The following ZPR1 variants were observed in gnomAD, a reference collection of about 807,000 sequenced individuals.
ZPR1 encodes the protein ZPR1 zinc finger.
A neutral mutation model predicts 59.6 loss-of-function variants in ZPR1; 37 were observed. That is an observed-to-expected ratio of 0.62 (90% CI 0.48 to 0.82). The LOEUF is 0.82. ZPR1 is among the 40% of genes least tolerant of loss of function. ZPR1 has a pLI of 0.00. For synonymous variants in ZPR1, 191 were observed against 215.2 expected (o/e 0.89, Z 0.99); for missense variants, 527 against 579.9 (o/e 0.91, Z 0.94).
intron 6 of ZPR1, 141 bp from the exon 7 acceptor site, chr11:116,785,287 A>G: frequency 4.4e-6 from 5 of 1,124,406 alleles, no homozygotes; most frequent in Non-Finnish European, 6.4e-6. Flanking sequence ...GAAACCACAA[A>G]GTAAAGCCCC....
At chr11:116,782,090 T>G in intron 12 of ZPR1, 68 bp downstream of exon 12, 41 of 1,190,630 alleles carry the variant, frequency 3.4e-5, no homozygotes, top group Non-Finnish European at 4.9e-5. Flanking sequence ...TGGCAAGACA[T>G]GAGCATGCAG....
chr11:116,787,810 C>T lies in ZPR1; in HGVS notation c.171+10G>A. The T allele has an allele frequency of 6.4e-7, 1 of 1,551,014 alleles. No homozygotes were observed. The stretch of plus-strand genomic sequence containing the variant: ...CCCACCCGCCGCTCGCGGCCGCGCC[C>T]CCGCCTCACATTGCAGTAACAGTTC... On this transcript the variant is annotated intron_variant, in intron 1 of 13. Coordinates refer to ENST00000227322, the MANE Select transcript of ZPR1 (RefSeq NM_003904.5).
chr11:116,784,760 G>T, intron 8 of ZPR1, 95 bp downstream of exon 8: 2 of 1,254,726 alleles, frequency 1.6e-6, no homozygotes, highest in South Asian at 1.2e-5. Context: ...TGGGTATAAA[G>T]CATGTGTTTT....
rs199733479 is a variant in ZPR1 at position 116,782,913 on chromosome 11, A to T, written c.1092+6T>A. On this transcript the variant is annotated splice_donor_region_variant and intron_variant, in intron 11 of 13. Transcript: ENST00000227322. ...AGGTGGTTTACACACTACTCAAGTG[A>T]CTCACCAGTTCCCGGATGTCTTTCA... is the stretch of plus-strand genomic sequence containing the variant. 8.7e-6 allele frequency: 14 copies of T among 1,612,688 alleles called. No individual in the cohort carries two copies. The African/African-American group carries it at 1.3e-4, about 15-fold the overall frequency.
At chr11:116,782,061 T>A in intron 12 of ZPR1, 97 bp downstream of exon 12, 1 of 802,166 alleles carries the variant, frequency 1.2e-6, no homozygotes, top group Non-Finnish European at 2.0e-6. Flanking sequence ...CCCAACATGA[T>A]GGTTAGATGT....
rs1334622206 is a variant in ZPR1, at chr11:116,785,811, G to A, written c.567C>T (p.Ala189=). 9.3e-6 allele frequency: 15 copies of A among 1,614,068 alleles called. No individual in the cohort carries two copies. Among genetic ancestry groups the A allele is most frequent in the Non-Finnish European group, 1.2e-5 (14 of 1,180,014 alleles). Reference sequence around the variant, plus strand: ...CAATACTCACCAGAGTGAAAGGGGAGGCTACTTGCTTTAGCTCCTTCAGTT... The same window carrying A: ...CAATACTCACCAGAGTGAAAGGGGAAGCTACTTGCTTTAGCTCCTTCAGTT... The part of the protein sequence containing the change: ...IVKLKELKQV[A]SPFTLIIDDP... The change falls in exon 5 of 14, where the codon GCC becomes GCT. Residue 189 remains alanine (A), a synonymous_variant. Coordinates refer to ENST00000227322, the MANE Select transcript of ZPR1 (RefSeq NM_003904.5).
intron 2 of ZPR1, 37 bp from the exon 3 acceptor site, chr11:116,787,096 G>A (rs1027870639): frequency 2.6e-6 from 4 of 1,550,588 alleles, no homozygotes; most frequent in African/African-American, 2.7e-5. Flanking sequence ...CAAAGAGACT[G>A]CAGAACAGCT....
intron 2 of ZPR1, 95 bp downstream of exon 2, chr11:116,787,387 A>G: frequency 7.6e-7 from 1 of 1,321,386 alleles, no homozygotes; most frequent in Non-Finnish European, 1.0e-6. Context: ...ACATAGGGGG[A>G]TTTATTTAAG....
chr11:116,786,673 G>T, intron 3 of ZPR1, 92 bp from the exon 4 acceptor site: 2 of 1,109,356 alleles, frequency 1.8e-6, no homozygotes, highest in Non-Finnish European at 2.7e-6. Flanking sequence ...TGAACTCTCT[G>T]GGTCTTAATT....
Position 116,785,827 on chromosome 11 carries a change from T to A in ZPR1, c.551A>T (p.Glu184Val), listed in dbSNP as rs748266680. ...RIDEFIVKLK[E>V]LKQVASPFTL... is the part of the protein sequence containing the mutation. ...GAAAGGGGAGGCTACTTGCTTTAGC[T>A]CCTTCAGTTTGACAATGAACTCATC... Residue 184 changes from glutamate (E) to valine (V), a missense_variant, in exon 5 of 14, where the codon GAG becomes GTG. By Grantham distance (121) the Glu-to-Val change is moderately radical (BLOSUM62 -2). Transcript: ENST00000227322. 19 of 1,614,234 alleles carry A rather than the reference T, an allele frequency of 1.2e-5. No homozygotes were observed. The South Asian group carries it at 2.0e-4, about 17-fold the overall frequency.
At chr11:116,784,522 C>A (rs778952065) in intron 8 of ZPR1, 74 bp from the exon 9 acceptor site, 1 of 1,384,564 alleles carries the variant, frequency 7.2e-7, no homozygotes. Flanking sequence ...AAGCCAAACC[C>A]CACACAAACA....
At chr11:116,786,135 T>C (rs1307645661) in intron 4 of ZPR1, among the ~76,000 whole-genome samples, 4 of 152,184 alleles carry the variant, frequency 2.6e-5, no homozygotes, top group East Asian at 3.8e-4. Context: ...TATAATAGTA[T>C]ATATATCAGT....
rs771684329 is a variant in ZPR1 at position 116,784,405 on chromosome 11, G to A, written c.864C>T (p.Cys288=). ...CATTGGTCCGATGCCCACAGTTCTC[G>A]CAGTTGGTAGCCATGATGATAACCT... The part of the protein sequence containing the change: ...FKEVIIMATN[C]ENCGHRTNEV... The change falls in exon 9 of 14, where the codon TGC becomes TGT. Residue 288 remains cysteine, a synonymous_variant. Transcript: ENST00000227322. 32 of 1,613,970 alleles carry A rather than the reference G, an allele frequency of 2.0e-5. No individual in the cohort carries two copies. Among genetic ancestry groups the A allele is most frequent in the Admixed American group, 1.0e-4 (6 of 59,998 alleles).
chr11:116,783,964 T>C (rs1042263475), intron 9 of ZPR1, among the ~76,000 whole-genome samples: 33 of 151,924 alleles, frequency 2.2e-4, no homozygotes, highest in Admixed American at 1.9e-3. Flanking sequence ...TCCTTTATAA[T>C]ATTCTGGTTA....
At chr11:116,787,121 A>C in intron 2 of ZPR1, 62 bp from the exon 3 acceptor site, 1 of 1,429,158 alleles carries the variant, frequency 7.0e-7, no homozygotes, top group Non-Finnish European at 9.9e-7. Context: ...CTCAAGTAAT[A>C]ACCAGACCGT....
Position 116,778,745 on chromosome 11 carries a change from C to T in ZPR1, c.*180G>A. The T allele has an allele frequency of 1.3e-6, 1 of 780,026 alleles. No homozygotes were observed. 48.3% of individuals were successfully genotyped at this position (780,026 alleles called of 1,614,324 possible). A position where few individuals can be genotyped will look rare whatever the true frequency, so the allele number is the denominator to read the frequency against. On this transcript the variant is annotated 3_prime_UTR_variant, in exon 14 of 14. Transcript: ENST00000227322. ...ATAAGGTCAAGTAACACAATAGGCT[C>T]ACACTTGCATCACAAGCTGTTTAGA...
intron 6 of ZPR1, 49 bp from the exon 7 acceptor site, chr11:116,785,195 T>C: frequency 6.2e-7 from 1 of 1,601,954 alleles, no homozygotes; most frequent in Non-Finnish European, 8.5e-7. Context: ...TACCTCAGTG[T>C]CCCCAACACC....
In ZPR1 at chr11:116,777,970, C is replaced by T. The variant is rs912549371; in HGVS notation, c.*955G>A. 4 of 152,216 alleles carry T rather than the reference C, an allele frequency of 2.6e-5. No individual in the cohort carries two copies. The highest frequency in any genetic ancestry group is 9.7e-5 in the African/African-American group (4 of 41,438). 9.4% of individuals were successfully genotyped at this position (152,216 alleles called of 1,614,324 possible). On this transcript the variant is annotated 3_prime_UTR_variant, in exon 14 of 14. Coordinates refer to ENST00000227322, the MANE Select transcript of ZPR1 (RefSeq NM_003904.5). Reference sequence around the variant, plus strand: ...CTAACTGATCAGGTACCCCCACTGGCTCTAACCTCACAGCTCTAGCATTTG... The same window carrying T: ...CTAACTGATCAGGTACCCCCACTGGTTCTAACCTCACAGCTCTAGCATTTG...
chr11:116,785,867 T>C lies in ZPR1; in HGVS notation c.511A>G (p.Thr171Ala), dbSNP rs1292441537. 1.2e-6 allele frequency: 2 copies of C among 1,614,160 alleles called. No homozygotes were observed. The highest frequency in any genetic ancestry group is 1.1e-5 in the South Asian group (1 of 91,070). Residue 171 changes from threonine (T) to alanine (A), a missense_variant, in exon 5 of 14, where the codon ACA becomes GCA. By Grantham distance (58) the Thr-to-Ala change is moderately conservative. Coordinates refer to ENST00000227322, the MANE Select transcript of ZPR1 (RefSeq NM_003904.5). Reference protein sequence around the residue: ...QPARRANKDATAERIDEFIVK... With the variant: ...QPARRANKDAAAERIDEFIVK... Reference sequence around the variant, plus strand: ...ATGAACTCATCAATTCTTTCAGCTGTAGCATCTTTGTTTGCCTGCCATGAA... The same window carrying C: ...ATGAACTCATCAATTCTTTCAGCTGCAGCATCTTTGTTTGCCTGCCATGAA...
Sources: gnomAD v4.1 joint callset for allele counts (sites outside exome capture counted in the v4.1 genomes callset) on GRCh38, gnomAD v4.1.1 for gene constraint, MANE v1.5 for transcripts, NCBI Gene and HGNC (gene_info 2026-07-23, HGNC 2026-07-21) for gene names.